RRM2: variants seen among roughly 807,000 people sequenced by gnomAD.
RRM2 encodes ribonucleoside-diphosphate reductase subunit M2.
A neutral mutation model predicts 45.9 loss-of-function variants in RRM2; 6 were observed. The observed-to-expected ratio is 0.13, with a 90% CI of 0.07 to 0.26. The LOEUF is 0.26. Among genes scored for constraint, RRM2 ranks in the 10% least tolerant of loss-of-function variants. The probability of loss-of-function intolerance (pLI) is 1.00; values close to 1 mark genes in which losing one functional copy is unlikely to be tolerated. For missense variants in RRM2, 343 were observed against 489.5 expected (o/e 0.70, Z 2.82); for synonymous variants, 177 against 173.0 (o/e 1.02, Z -0.18).
rs2125308630 is a variant in RRM2 at position 10,130,514 on chromosome 2, C to T, written c.*1128C>T. On this transcript the variant is annotated 3_prime_UTR_variant, in exon 10 of 10. Coordinates refer to ENST00000304567, the MANE Select transcript of RRM2 (RefSeq NM_001034.4). ...AGTTCATACTTCAGTCACCCAGTGT[C>T]TTATTCTGGCATTGTCTAAATCTGA... 2 of 152,162 alleles carry T rather than the reference C, an allele frequency of 1.3e-5. No individual in the cohort carries two copies. The highest frequency in any genetic ancestry group is 4.2e-4 in the South Asian group (2 of 4,818). 9.4% of individuals were successfully genotyped at this position (152,162 alleles called of 1,614,324 possible). A position where few individuals can be genotyped will look rare whatever the true frequency, so the allele number is the denominator to read the frequency against.
chr2:10,131,191 G>A lies in RRM2; in HGVS notation c.*1805G>A, dbSNP rs1662894043. The stretch of plus-strand genomic sequence containing the variant: ...AATCCAGATTATATGGTCCTTATAT[G>A]TGTACAACATTAAAATGAAAGGCTT... On this transcript the variant is annotated 3_prime_UTR_variant, in exon 10 of 10. Coordinates refer to ENST00000304567, the MANE Select transcript of RRM2 (RefSeq NM_001034.4). 6.6e-6 allele frequency: 1 copy of A among 152,030 alleles called. No homozygotes were observed. The highest frequency in any genetic ancestry group is 2.4e-5 in the African/African-American group (1 of 41,366). The allele number at this position is 152,030 out of a possible 1,614,324, so 9.4% of individuals were successfully genotyped here.
intron 3 of RRM2, among the ~76,000 whole-genome samples, chr2:10,165,309 G>A (rs1446262336): frequency 6.6e-6 from 1 of 152,184 alleles, no homozygotes; most frequent in African/African-American, 2.4e-5. Context: ...CATCAAACAC[G>A]TTTCCCTTTG....
intron 3 of RRM2, among the ~76,000 whole-genome samples, chr2:10,191,939 G>C (rs540729765): frequency 6.6e-6 from 1 of 152,148 alleles, no homozygotes; most frequent in African/African-American, 2.4e-5. Flanking sequence ...GAATGAGTCC[G>C]TGACCCCTTG....
intron 3 of RRM2, among the ~76,000 whole-genome samples, chr2:10,147,709 T>C (rs1342273986): frequency 1.3e-5 from 2 of 152,216 alleles, no homozygotes; most frequent in Non-Finnish European, 2.9e-5. Flanking sequence ...TTATGAAAAG[T>C]GTGTATTTTC....
At chr2:10,141,900 G>A (rs756625421) in exon 2 of RRM2, 17 of 1,575,308 alleles carry the variant, frequency 1.1e-5, no homozygotes, top group South Asian at 5.8e-5. Flanking sequence ...CCAGGCCCTC[G>A]GGGAGACAGC....
At chr2:10,154,948 G>A (rs111572880) in intron 3 of RRM2, 7,199 of 154,646 alleles carry the variant, frequency 0.047, 592 homozygotes, top group African/African-American at 0.17. Flanking sequence ...CGCCTGCCTC[G>A]GCCTCCCAAA....
chr2:10,136,912 T>G (rs1223090707), upstream of RRM2, among the ~76,000 whole-genome samples: 1 of 152,142 alleles, frequency 6.6e-6, no homozygotes, highest in Non-Finnish European at 1.5e-5. Context: ...GTTGAACCCA[T>G]GAGGGTAGAC....
At chr2:10,136,116 C>G (rs886668291), downstream of RRM2, among the ~76,000 whole-genome samples, 1 of 152,192 alleles carries the variant, frequency 6.6e-6, no homozygotes, top group African/African-American at 2.4e-5. Flanking sequence ...TGTGTCCGGG[C>G]AGCACCACCA....
chr2:10,185,533 C>T lies in RRM2; in HGVS notation n.483-24778C>T, dbSNP rs866395963. Among the ~76,000 whole-genome samples, 1 of 152,094 alleles carries T rather than the reference C, an allele frequency of 6.6e-6. No individual in the cohort carries two copies. The highest frequency in any genetic ancestry group is 2.4e-5 in the African/African-American group (1 of 41,404). Reference sequence around the variant, plus strand: ...TGGCCAGTCTTGTCTCAGCCTTTTCCCCACCCATTCACTCCTCTCCCAAAT... The same window carrying T: ...TGGCCAGTCTTGTCTCAGCCTTTTCTCCACCCATTCACTCCTCTCCCAAAT... On this transcript the variant is annotated intron_variant and non_coding_transcript_variant, in intron 3 of 3. Transcript: ENST00000381786. The surrounding 1 kb of genome is among the most constrained non-coding windows in gnomAD (Gnocchi z 4.3).
At position 10,185,990 on chromosome 2, in the gene RRM2, T is replaced by C. The variant is rs1664155719; in HGVS notation, n.483-24321T>C. ...GTCCAGCATACTTTGAATGTTGTTA[T>C]GAAGTCCAGTGGAGAAGAGCTAGCC... On this transcript the variant is annotated intron_variant and non_coding_transcript_variant, in intron 3 of 3. Transcript: ENST00000381786. The surrounding 1 kb of genome is among the most constrained non-coding windows in gnomAD (Gnocchi z 4.3). 6.6e-6 allele frequency among the ~76,000 whole-genome samples: 1 copy of C among 152,236 alleles called. No homozygotes were observed.
At chr2:10,194,711 G>A (rs905689287) in intron 3 of RRM2, among the ~76,000 whole-genome samples, 2 of 152,186 alleles carry the variant, frequency 1.3e-5, no homozygotes, top group Admixed American at 6.5e-5. Flanking sequence ...CATCTGGAGC[G>A]GGCTCAGTGG....
intron 3 of RRM2, among the ~76,000 whole-genome samples, chr2:10,142,616 T>G (rs774468621): frequency 4.0e-5 from 6 of 149,414 alleles, no homozygotes; most frequent in Non-Finnish European, 5.9e-5. Context: ...CCCCCTCCCA[T>G]TCCAGTGCTC....
chr2:10,166,365 C>T (rs1190833809), intron 3 of RRM2, among the ~76,000 whole-genome samples: 1 of 152,216 alleles, frequency 6.6e-6, no homozygotes, highest in Non-Finnish European at 1.5e-5. Flanking sequence ...CTGCTCGCAC[C>T]CCAGGTTCCT....
intron 3 of RRM2, among the ~76,000 whole-genome samples, chr2:10,181,827 C>A (rs190404548): frequency 7.7e-6 from 1 of 129,796 alleles, no homozygotes; most frequent in Non-Finnish European, 1.5e-5. Context: ...TGCAGTGTTG[C>A]GATCATGGCT....
At position 10,122,907 on chromosome 2, in the gene RRM2, C is replaced by G. The variant is rs1048121243; in HGVS notation, c.99+10C>G. 2 of 1,569,688 alleles carry G rather than the reference C, an allele frequency of 1.3e-6. No homozygotes were observed. Among genetic ancestry groups the G allele is most frequent in the Non-Finnish European group, 1.7e-6 (2 of 1,160,282 alleles). The stretch of plus-strand genomic sequence containing the variant: ...CGACAAGGAGAACACGGTGAGCCCG[C>G]GGGGAGGGCGCTGCGGGCAGGGGAG... On this transcript the variant is annotated intron_variant, in intron 1 of 9. Transcript: ENST00000304567.
chr2:10,194,698 C>T (rs1572530386), intron 3 of RRM2, among the ~76,000 whole-genome samples: 1 of 152,240 alleles, frequency 6.6e-6, no homozygotes, highest in East Asian at 1.9e-4. Context: ...TTTTACTCAC[C>T]TCCATCTGGA....
chr2:10,138,499 C>T (rs139235642), upstream of RRM2, among the ~76,000 whole-genome samples: 616 of 152,114 alleles, frequency 4.0e-3, 5 homozygotes, highest in African/African-American at 0.014. Flanking sequence ...GACTGGGTTT[C>T]ACCATGTTGG....
chr2:10,157,936 C>T (rs535241638), intron 3 of RRM2, among the ~76,000 whole-genome samples: 1 of 151,956 alleles, frequency 6.6e-6, no homozygotes, highest in Admixed American at 6.6e-5. Flanking sequence ...TCACAGCTGG[C>T]CTATTTATTT....
At chr2:10,158,205 T>C (rs1160721475) in intron 3 of RRM2, among the ~76,000 whole-genome samples, 1 of 152,174 alleles carries the variant, frequency 6.6e-6, no homozygotes, top group African/African-American at 2.4e-5. Context: ...GAGCTCTCCA[T>C]TTTCCCATGT....
Sources: allele counts gnomAD v4.1 joint callset (sites outside exome capture counted in the v4.1 genomes callset), GRCh38; gene constraint gnomAD v4.1.1; non-coding constraint Gnocchi (gnomAD v3.1); transcripts MANE v1.5; gene names NCBI Gene and HGNC (gene_info 2026-07-23, HGNC 2026-07-21).